CSMD2: variants seen among roughly 807,000 people sequenced by gnomAD.
The protein encoded by CSMD2 is CUB and Sushi multiple domains 2, also known as CUB and sushi domain-containing protein 2.
In CSMD2, 130 loss-of-function variants were observed where a neutral mutation model predicts 398.5. The ratio of observed to expected loss-of-function variants is 0.33; its 90% CI spans 0.28 to 0.38. CSMD2 has a LOEUF of 0.38. Among genes scored for constraint, CSMD2 ranks in the 10% least tolerant of loss-of-function variants. CSMD2 has a pLI of 1.00. For missense variants in CSMD2, 3,829 were observed against 4,764.9 expected (o/e 0.80, Z 5.78); for synonymous variants, 1,828 against 1,908.5 (o/e 0.96, Z 1.10).
chr1:33,592,615 G>C (rs1469779211), intron 44 of CSMD2: 2 of 662,732 alleles, frequency 3.0e-6, no homozygotes, highest in East Asian at 5.5e-5. Context: ...CACTAAGTGG[G>C]CATCTTTCTG....
chr1:34,110,736 A>T (rs1660999490), intron 1 of CSMD2, among the ~76,000 whole-genome samples: 2 of 152,140 alleles, frequency 1.3e-5, no homozygotes, highest in South Asian at 4.1e-4. Context: ...TACACGAGGG[A>T]CTACCTGAGG....
At chr1:34,075,220 A>G (rs1324769126) in intron 2 of CSMD2, among the ~76,000 whole-genome samples, 2 of 152,140 alleles carry the variant, frequency 1.3e-5, no homozygotes, top group Non-Finnish European at 2.9e-5. Flanking sequence ...CTCTGTTTCA[A>G]TCCTGAACAA....
intron 13 of CSMD2, among the ~76,000 whole-genome samples, chr1:33,760,166 T>C (rs938544928): frequency 2.0e-5 from 3 of 152,238 alleles, no homozygotes; most frequent in Admixed American, 1.3e-4. Flanking sequence ...TGGCCATGAC[T>C]GATTCTTGCC....
At chr1:33,638,437 A>G (rs1642928191) in intron 29 of CSMD2, among the ~76,000 whole-genome samples, 1 of 152,256 alleles carries the variant, frequency 6.6e-6, no homozygotes, top group Non-Finnish European at 1.5e-5. Context: ...GTAGTCCCCA[A>G]TAACCACTTT....
At chr1:33,678,780 C>T (rs1317047046) in intron 25 of CSMD2, among the ~76,000 whole-genome samples, 3 of 152,130 alleles carry the variant, frequency 2.0e-5, no homozygotes, top group East Asian at 1.9e-4. Flanking sequence ...GACCAAAGCC[C>T]AAATCCAGCA....
At chr1:33,697,569 T>C (rs1439850330) in intron 24 of CSMD2, among the ~76,000 whole-genome samples, 1 of 152,216 alleles carries the variant, frequency 6.6e-6, no homozygotes, top group Non-Finnish European at 1.5e-5. Flanking sequence ...CCCACCATGC[T>C]GGTTCACACT....
chr1:33,916,795 A>G (rs1643744489), intron 5 of CSMD2, among the ~76,000 whole-genome samples: 1 of 152,024 alleles, frequency 6.6e-6, no homozygotes, highest in Non-Finnish European at 1.5e-5. Context: ...GGCTCCTACC[A>G]TGGGTTTGTC....
At chr1:34,137,102 C>T (rs965189584) in intron 1 of CSMD2, among the ~76,000 whole-genome samples, 7 of 152,068 alleles carry the variant, frequency 4.6e-5, no homozygotes, top group African/African-American at 1.7e-4. Context: ...ATCCCAAATA[C>T]CCATCAATGC....
At chr1:33,720,937 G>A (rs544925003) in intron 19 of CSMD2, among the ~76,000 whole-genome samples, 35 of 152,214 alleles carry the variant, frequency 2.3e-4, no homozygotes, top group African/African-American at 7.2e-4. Context: ...CCAACCTCAG[G>A]TGATCTGCCT....
chr1:34,152,537 C>G (rs577773297), intron 1 of CSMD2, among the ~76,000 whole-genome samples: 2 of 152,290 alleles, frequency 1.3e-5, no homozygotes, highest in Admixed American at 6.5e-5. Context: ...ACAACCCACT[C>G]TCACTCAACC....
intron 13 of CSMD2, among the ~76,000 whole-genome samples, chr1:33,752,126 C>T (rs998492471): frequency 5.9e-5 from 9 of 152,140 alleles, no homozygotes; most frequent in East Asian, 1.9e-4. Flanking sequence ...GATTGCAACC[C>T]GTTATTAGCT....
intron 44 of CSMD2, among the ~76,000 whole-genome samples, chr1:33,598,080 A>C (rs138306270): frequency 3.9e-5 from 6 of 152,368 alleles, no homozygotes; most frequent in African/African-American, 1.2e-4. Context: ...AAAGCAATGA[A>C]TATTAACCAA....
Position 33,605,387 on chromosome 1 carries a change from C to T in CSMD2, c.6427G>A (p.Val2143Met). Residue 2143 changes from valine (V) to methionine (M), a missense_variant, in exon 42 of 71, where the codon GTG becomes ATG. Physicochemically the swap from Val to Met is conservative, Grantham distance 21 (BLOSUM62 1). Around this residue, in one of 5 missense-constraint regions of CSMD2, gnomAD observed 723 missense variants for 758.6 expected, o/e 0.95. Coordinates refer to ENST00000373381, the MANE Select transcript of CSMD2 (RefSeq NM_001281956.2). ...RGAGYNVGQS[V>M]TFECLPGYQL... ...TACCCCGGGAGGCACTCGAAGGTCA[C>T]TGATTGTCCCACGTTGTAGCCAGCT... 1.9e-6 allele frequency: 3 copies of T among 1,614,234 alleles called. No homozygotes were observed. Among genetic ancestry groups the T allele is most frequent in the Non-Finnish European group, 2.5e-6 (3 of 1,180,038 alleles).
rs112064162 is a variant in CSMD2 at position 33,709,004 on chromosome 1, A to G, written c.3576+85T>C. 26 of 1,245,196 alleles carry G rather than the reference A, an allele frequency of 2.1e-5. No individual in the cohort carries two copies. In the Admixed American group the frequency reaches 2.4e-4, roughly 11 times the overall value. 77.1% of individuals were successfully genotyped at this position (1,245,196 alleles called of 1,614,324 possible). A position where few individuals can be genotyped will look rare whatever the true frequency, so the allele number is the denominator to read the frequency against. On this transcript the variant is annotated intron_variant, in intron 22 of 70. Transcript: ENST00000373381. ...CTCAGGAAGGAAGGAGAAAGTTTGGATCATTCACACAGAGACAAAGGAGTG... is the reference window on the plus strand; with the variant it reads ...CTCAGGAAGGAAGGAGAAAGTTTGGGTCATTCACACAGAGACAAAGGAGTG...
At position 33,583,104 on chromosome 1, in the gene CSMD2, T is replaced by C. The variant is rs1427781594; in HGVS notation, c.7240+538A>G. On this transcript the variant is annotated intron_variant, in intron 47 of 70. Transcript: ENST00000373381. ...TTGAGGACATCATATTAATTAGACC[T>C]GATGAGTGAGAAGGGACAATTAGTG... 3.3e-5 allele frequency among the ~76,000 whole-genome samples: 5 copies of C among 152,314 alleles called. No individual in the cohort carries two copies. The East Asian group carries it at 9.6e-4, about 29-fold the overall frequency.
chr1:33,800,750 C>A (rs1655496556), intron 10 of CSMD2, among the ~76,000 whole-genome samples: 1 of 152,144 alleles, frequency 6.6e-6, no homozygotes, highest in Non-Finnish European at 1.5e-5. Context: ...GGGGATACCA[C>A]ATGGCCACAG....
intron 46 of CSMD2, among the ~76,000 whole-genome samples, chr1:33,584,035 T>C (rs948777425): frequency 6.6e-6 from 1 of 152,188 alleles, no homozygotes; most frequent in African/African-American, 2.4e-5. Flanking sequence ...TTTCTGGGAC[T>C]TGAGCTTTGC....
Position 33,559,269 on chromosome 1 carries a change from G to T in CSMD2, c.8554+31C>A, listed in dbSNP as rs887770670. The T allele has an allele frequency of 2.6e-6, 4 of 1,528,338 alleles. No homozygotes were observed. The highest frequency in any genetic ancestry group is 2.4e-5 in the East Asian group (1 of 40,870). 94.7% of individuals were successfully genotyped at this position (1,528,338 alleles called of 1,614,324 possible). A position where few individuals can be genotyped will look rare whatever the true frequency, so the allele number is the denominator to read the frequency against. ...GAACCACATATAGCAGAGATGGTGGGGACTGGATTGGGAGAGAAAGGGTGA... is the reference window on the plus strand; with the variant it reads ...GAACCACATATAGCAGAGATGGTGGTGACTGGATTGGGAGAGAAAGGGTGA... On this transcript the variant is annotated intron_variant, in intron 54 of 70. Transcript: ENST00000373381. The surrounding 1 kb of genome is among the most constrained non-coding windows in gnomAD (Gnocchi z 4.0).
In CSMD2 at chr1:33,684,253, A is replaced by G. The variant is rs184924320; in HGVS notation, c.4052+8677T>C. On this transcript the variant is annotated intron_variant, in intron 25 of 70. Transcript: ENST00000373381. ...CCAATGCCTGCTGCATGGTGACCAA[A>G]ATCCAAGAATGGAGTTTTCAGTTTT... 2.3e-3 allele frequency among the ~76,000 whole-genome samples: 355 copies of G among 152,300 alleles called. 1 individual carries two copies. Among genetic ancestry groups the G allele is most frequent in the Non-Finnish European group, 2.8e-3 (193 of 68,028 alleles).
Sources: allele counts gnomAD v4.1 joint callset (sites outside exome capture counted in the v4.1 genomes callset), GRCh38; gene constraint gnomAD v4.1.1; regional missense constraint gnomAD v4.1.1; non-coding constraint Gnocchi (gnomAD v3.1); transcripts MANE v1.5; gene names NCBI Gene and HGNC (gene_info 2026-07-23, HGNC 2026-07-21).